The following MIB1 variants were observed in gnomAD, a reference collection of about 807,000 sequenced individuals.
MIB1 encodes MIB E3 ubiquitin protein ligase 1.
Under a neutral mutation model 124.5 loss-of-function variants are expected in MIB1, and 278 were observed. The ratio of observed to expected loss-of-function variants is 2.23; its 90% CI spans 2.02 to 2.47. MIB1 has a LOEUF of 2.47. MIB1 is among the 30% of genes most tolerant of loss of function. MIB1 has a pLI of 0.00. For missense variants in MIB1, 957 were observed against 1,254.4 expected, an observed-to-expected ratio of 0.76 and a Z score of 3.58; for synonymous variants, 446 against 429.4, an observed-to-expected ratio of 1.04 and a Z score of -0.48.
At chr18:21,859,574 T>C (rs2042256297) in intron 20 of MIB1, among the ~76,000 whole-genome samples, 1 of 151,886 alleles carries the variant, frequency 6.6e-6, no homozygotes, top group Non-Finnish European at 1.5e-5. Context: ...GTCATGAACA[T>C]TTCTATATAC....
rs1230165029 is a variant in MIB1 at position 21,869,283 on chromosome 18, T to A, written c.*4617T>A. On this transcript the variant is annotated 3_prime_UTR_variant, in exon 21 of 21. Transcript: ENST00000261537. ...TCCAAAAAGCAAAATGGTCCTGTAA[T>A]TTTTAAAGTAAAATAAACGTGCCAT... is the stretch of plus-strand genomic sequence containing the variant. 1.3e-5 allele frequency: 2 copies of A among 152,496 alleles called. No individual in the cohort carries two copies. The highest frequency in any genetic ancestry group is 2.9e-5 in the Non-Finnish European group (2 of 67,908). 9.4% of individuals were successfully genotyped at this position (152,496 alleles called of 1,614,324 possible).
intron 17 of MIB1, among the ~76,000 whole-genome samples, chr18:21,851,054 A>T (rs753598048): frequency 2.0e-4 from 30 of 152,138 alleles, no homozygotes; most frequent in Non-Finnish European, 4.0e-4. Flanking sequence ...ACTCTGCCAT[A>T]TTGGGTGTTG....
At chr18:21,789,960 G>T (rs1487944667) in intron 6 of MIB1, among the ~76,000 whole-genome samples, 1 of 152,094 alleles carries the variant, frequency 6.6e-6, no homozygotes, top group African/African-American at 2.4e-5. Context: ...TAGGTGTTCT[G>T]TTATCAATTG....
intron 1 of MIB1, among the ~76,000 whole-genome samples, chr18:21,757,573 C>T (rs1232408883): frequency 1.3e-4 from 19 of 149,602 alleles, no homozygotes; most frequent in African/African-American, 4.4e-4. Flanking sequence ...CAACCTCCGC[C>T]TCCCTGGTTC....
chr18:21,752,883 A>C (rs2146389547), intron 1 of MIB1, among the ~76,000 whole-genome samples: 1 of 152,342 alleles, frequency 6.6e-6, no homozygotes, highest in South Asian at 2.1e-4. Context: ...TGAGGAATTA[A>C]AAGTTTATAT....
intron 1 of MIB1, among the ~76,000 whole-genome samples, chr18:21,748,662 G>C (rs769778411): frequency 6.0e-5 from 9 of 150,626 alleles, no homozygotes; most frequent in Non-Finnish European, 1.2e-4. Flanking sequence ...AACTTGTGAG[G>C]TCAAGTGATC....
chr18:21,853,382 G>C (rs1452070058), intron 18 of MIB1, among the ~76,000 whole-genome samples, 164 bp downstream of exon 18: 1 of 152,212 alleles, frequency 6.6e-6, no homozygotes, highest in Non-Finnish European at 1.5e-5. Flanking sequence ...AACGTCAGCT[G>C]TTTCCCTCCA....
upstream of MIB1, among the ~76,000 whole-genome samples, chr18:21,736,948 A>C (rs147449892): frequency 2.9e-3 from 439 of 152,348 alleles, 8 homozygotes; most frequent in Admixed American, 0.024. Context: ...ACTCTTCAGG[A>C]TATCATCCAG....
chr18:21,821,594 G>GT (rs200896665), intron 12 of MIB1, among the ~76,000 whole-genome samples: 2,388 of 146,262 alleles, frequency 0.016, 43 homozygotes, highest in African/African-American at 0.038. Context: ...TGTTTTTTTT[G>GT]TTTTTTTTGT....
At chr18:21,752,912 A>G (rs2040991275) in intron 1 of MIB1, among the ~76,000 whole-genome samples, 1 of 149,738 alleles carries the variant, frequency 6.7e-6, no homozygotes, top group African/African-American at 2.6e-5. Flanking sequence ...ATGAAAACAT[A>G]AGTAAAATAT....
intron 9 of MIB1, among the ~76,000 whole-genome samples, chr18:21,801,061 G>T (rs1015663090): frequency 3.9e-5 from 6 of 151,988 alleles, no homozygotes; most frequent in Non-Finnish European, 8.8e-5. Flanking sequence ...AGTTCTATAA[G>T]ATTTGTTATG....
chr18:21,735,281 C>T (rs1695765872), intron 1 of MIB1, among the ~76,000 whole-genome samples: 1 of 152,160 alleles, frequency 6.6e-6, no homozygotes, highest in Non-Finnish European at 1.5e-5. Context: ...GATCTCCCTC[C>T]CCAAGCCAAG....
intron 10 of MIB1, among the ~76,000 whole-genome samples, chr18:21,808,575 A>T (rs1403559601): frequency 6.6e-6 from 1 of 152,180 alleles, no homozygotes; most frequent in East Asian, 1.9e-4. Flanking sequence ...GGAACATGTG[A>T]TAAGATTATA....
intron 1 of MIB1, among the ~76,000 whole-genome samples, chr18:21,742,232 T>A (rs2040862127): frequency 6.6e-6 from 1 of 151,822 alleles, no homozygotes; most frequent in Non-Finnish European, 1.5e-5. Context: ...GCTGACCGTT[T>A]ATAATTGCCA....
intron 13 of MIB1, among the ~76,000 whole-genome samples, chr18:21,839,571 C>G (rs1388464101): frequency 2.0e-5 from 3 of 152,332 alleles, no homozygotes; most frequent in Non-Finnish European, 4.4e-5. Flanking sequence ...GTGGCACAAT[C>G]ATGGCTCACT....
intron 12 of MIB1, among the ~76,000 whole-genome samples, chr18:21,824,657 T>G (rs1461215364): frequency 6.6e-6 from 1 of 152,016 alleles, no homozygotes; most frequent in Non-Finnish European, 1.5e-5. Context: ...AGATATATAT[T>G]TATATATGTC....
chr18:21,741,882 G>A lies in MIB1; in HGVS notation c.229+70G>A. On this transcript the variant is annotated intron_variant, in intron 1 of 20. Transcript: ENST00000261537. This position sits in a 1 kb window ranked among gnomAD's most constrained non-coding sequence, Gnocchi z 5.4. ...GGGGCGAGCTGCGGTGGGCGTCGGT[G>A]TCGCGGGGAGAGGTCTGCAGTGGGA... The A allele has an allele frequency of 7.2e-7, 1 of 1,381,184 alleles. No homozygotes were observed. Among genetic ancestry groups the A allele is most frequent in the Non-Finnish European group, 9.7e-7 (1 of 1,025,896 alleles). The allele number at this position is 1,381,184 out of a possible 1,614,324, so 85.6% of individuals were successfully genotyped here.
chr18:21,766,343 A>G (rs1019864570), intron 2 of MIB1, among the ~76,000 whole-genome samples: 1 of 152,140 alleles, frequency 6.6e-6, no homozygotes, highest in Non-Finnish European at 1.5e-5. Flanking sequence ...AACATCTACT[A>G]TGTTTATGGA....
At chr18:21,808,303 A>G (rs1037499071) in intron 10 of MIB1, among the ~76,000 whole-genome samples, 2 of 152,212 alleles carry the variant, frequency 1.3e-5, no homozygotes, top group African/African-American at 2.4e-5. Flanking sequence ...TCGCAGGCCA[A>G]ATCCAGCCCT....
Sources: allele counts gnomAD v4.1 joint callset (sites outside exome capture counted in the v4.1 genomes callset), GRCh38; gene constraint gnomAD v4.1.1; non-coding constraint Gnocchi (gnomAD v3.1); transcripts MANE v1.5; gene names NCBI Gene and HGNC (gene_info 2026-07-23, HGNC 2026-07-21).